The following ADGRL2 variants were observed in gnomAD, a reference collection of about 807,000 sequenced individuals.
ADGRL2 encodes the protein calcium-independent alpha-latrotoxin receptor 2.
Under a neutral mutation model 157.4 loss-of-function variants are expected in ADGRL2, and 44 were observed. The observed-to-expected ratio is 0.28, with a 90% confidence interval of 0.22 to 0.36. The LOEUF (loss-of-function observed/expected upper bound fraction) is 0.36, where lower values mean the gene tolerates loss of function less well. Ranked by LOEUF, ADGRL2 falls within the 10% of genes least tolerant of loss-of-function variation. The pLI, the probability that ADGRL2 is intolerant of heterozygous loss-of-function variation, is 1.00. For synonymous variants in ADGRL2, 585 were observed against 624.7 expected (o/e 0.94, Z 0.95); for missense variants, 1,510 against 1,768.9 (o/e 0.85, Z 2.63).
chr1:81,739,077 C>T (rs891750476), intron 1 of ADGRL2, among the ~76,000 whole-genome samples: 4 of 152,190 alleles, frequency 2.6e-5, no homozygotes, highest in Non-Finnish European at 5.9e-5. Flanking sequence ...ACAAGGCACT[C>T]TATTCAGTAT....
rs2075982182 is a variant in ADGRL2, at chr1:81,361,759, C to CA, written c.-302+55252dup. 5.9e-5 allele frequency among the ~76,000 whole-genome samples: 9 copies of CA among 151,968 alleles called. No homozygotes were observed. In the South Asian group the frequency reaches 1.9e-3, roughly 32 times the overall value. On this transcript the variant is annotated intron_variant, in intron 1 of 24. Coordinates refer to the ADGRL2 transcript ENST00000370721. Reference sequence around the variant, plus strand: ...CTTTCTTTTCCCTGAATATTTTATGCAAGAAATGCTTATTCAGTACCTATT... The same window carrying CA: ...CTTTCTTTTCCCTGAATATTTTATGCAAAGAAATGCTTATTCAGTACCTATT...
At chr1:81,783,866 A>T (rs896024705) in intron 2 of ADGRL2, among the ~76,000 whole-genome samples, 2 of 152,224 alleles carry the variant, frequency 1.3e-5, no homozygotes, top group Admixed American at 6.5e-5. Context: ...TAAAGATACT[A>T]AAATAATAGC....
chr1:81,311,023 T>C (rs1234961364), intron 1 of ADGRL2, among the ~76,000 whole-genome samples: 1 of 152,156 alleles, frequency 6.6e-6, no homozygotes, highest in African/African-American at 2.4e-5. Context: ...TAAAAAGATG[T>C]CAATTTCCTG....
At chr1:81,422,649 A>T (rs2077146505) in intron 1 of ADGRL2, among the ~76,000 whole-genome samples, 1 of 152,258 alleles carries the variant, frequency 6.6e-6, no homozygotes, top group African/African-American at 2.4e-5. Flanking sequence ...AGAAATAATT[A>T]TACTCTTTTA....
In ADGRL2 at chr1:81,966,528, C is replaced by T. The variant is rs749681000; in HGVS notation, c.2268C>T (p.His756=). 5.6e-6 allele frequency: 9 copies of T among 1,613,850 alleles called. No homozygotes were observed. The highest frequency in any genetic ancestry group is 2.2e-5 in the South Asian group (2 of 91,086). ...GRNSTIAVNS[H]VISVSINKES... is the part of the protein sequence containing the mutation. Reference sequence around the variant, plus strand: ...ATAGCACCATTGCAGTGAACTCTCACGTCATTTCAGTTTCAATCAATAAAG... The same window carrying T: ...ATAGCACCATTGCAGTGAACTCTCATGTCATTTCAGTTTCAATCAATAAAG... The change falls in exon 13 of 24, where the codon CAC becomes CAT. Residue 756 remains histidine, a synonymous_variant. Transcript: ENST00000686636.
intron 3 of ADGRL2, among the ~76,000 whole-genome samples, chr1:81,584,735 G>A (rs902615559): frequency 6.6e-5 from 10 of 152,114 alleles, no homozygotes; most frequent in African/African-American, 2.4e-4. Context: ...TTCTGGAGAC[G>A]GAAATAAAAG....
chr1:81,566,359 C>T (rs1433295891), intron 2 of ADGRL2, among the ~76,000 whole-genome samples: 2 of 152,008 alleles, frequency 1.3e-5, no homozygotes, highest in Admixed American at 6.6e-5. Context: ...TCCAAATGGC[C>T]TGTTCATAAT....
intron 2 of ADGRL2, chr1:81,557,467 G>GAAGAAAGA (rs369831166): frequency 3.3e-5 from 4 of 122,094 alleles, no homozygotes; most frequent in South Asian, 2.9e-4. Flanking sequence ...AAGAAAGAAA[G>GAAGAAAGA]AAGAAAGAAA....
At chr1:81,627,567 C>T (rs2081934883) in intron 3 of ADGRL2, among the ~76,000 whole-genome samples, 1 of 152,042 alleles carries the variant, frequency 6.6e-6, no homozygotes, top group African/African-American at 2.4e-5. Flanking sequence ...CTAAAATGTA[C>T]TATTATTACC....
At chr1:81,722,160 G>A (rs775342161) in intron 1 of ADGRL2, among the ~76,000 whole-genome samples, 5 of 152,122 alleles carry the variant, frequency 3.3e-5, no homozygotes, top group Non-Finnish European at 7.4e-5. Flanking sequence ...GGGAGCGGTG[G>A]CAGGCGCCTG....
At chr1:81,934,559 C>T (rs1353522383) in intron 3 of ADGRL2, among the ~76,000 whole-genome samples, 4 of 151,834 alleles carry the variant, frequency 2.6e-5, no homozygotes, top group Admixed American at 2.6e-4. Flanking sequence ...CTTTCATGTT[C>T]ATGTTCTTGG....
intron 1 of ADGRL2, among the ~76,000 whole-genome samples, chr1:81,715,819 A>G (rs1156427086): frequency 6.6e-6 from 1 of 152,144 alleles, no homozygotes; most frequent in Non-Finnish European, 1.5e-5. Context: ...AAAGAAGTAG[A>G]GTTCTTAGGT....
intron 3 of ADGRL2, among the ~76,000 whole-genome samples, chr1:81,659,197 G>C (rs1170384111): frequency 6.6e-6 from 1 of 151,582 alleles, no homozygotes; most frequent in Non-Finnish European, 1.5e-5. Context: ...AAGTAAGTGG[G>C]ATTACAGGTA....
intron 2 of ADGRL2, among the ~76,000 whole-genome samples, chr1:81,770,599 G>A (rs61775267): frequency 0.14 from 21,598 of 151,924 alleles, 1,792 homozygotes; most frequent in South Asian, 0.21. Flanking sequence ...TCAGGCTCCC[G>A]AGTAGCTGGG....
At chr1:81,592,447 T>C (rs1445661612) in intron 3 of ADGRL2, among the ~76,000 whole-genome samples, 1 of 152,204 alleles carries the variant, frequency 6.6e-6, no homozygotes, top group Non-Finnish European at 1.5e-5. Flanking sequence ...CCCTGCTATA[T>C]GATGCCAGGG....
intron 1 of ADGRL2, among the ~76,000 whole-genome samples, chr1:81,715,701 T>C (rs1040988778): frequency 3.3e-5 from 5 of 152,144 alleles, no homozygotes; most frequent in Admixed American, 6.5e-5. Context: ...TCTGCATACA[T>C]GTCAAATGGC....
At chr1:81,437,115 T>C (rs1570964843) in intron 1 of ADGRL2, among the ~76,000 whole-genome samples, 1 of 152,212 alleles carries the variant, frequency 6.6e-6, no homozygotes, top group East Asian at 1.9e-4. Flanking sequence ...AAAAGTCTTT[T>C]AGGGGAATTT....
chr1:81,501,809 CAACAGCAGCAGCAACAGA>C (rs1244290599), intron 2 of ADGRL2: 1 of 1,590,600 alleles, frequency 6.3e-7, no homozygotes, highest in East Asian at 2.3e-5. Flanking sequence ...GCAGCAGCAG[CAACAGCAGCAGCAACAGA>C]AGCAGCCACA....
chr1:81,379,815 T>C (rs2076313629), intron 1 of ADGRL2, among the ~76,000 whole-genome samples: 1 of 152,176 alleles, frequency 6.6e-6, no homozygotes, highest in Non-Finnish European at 1.5e-5. Context: ...CGAGTTTCTA[T>C]AGGCCTAGGA....
Sources: allele counts gnomAD v4.1 joint callset (sites outside exome capture counted in the v4.1 genomes callset), GRCh38; gene constraint gnomAD v4.1.1; transcripts MANE v1.5; gene names NCBI Gene and HGNC (gene_info 2026-07-23, HGNC 2026-07-21).